Variants in DENND1B observed in about 807,000 individuals in gnomAD.
The protein encoded by DENND1B is DENN domain containing 1B.
DENND1B carries 59 observed loss-of-function variants against 90.1 expected under a neutral mutation model. That is an observed-to-expected ratio of 0.65 (90% CI 0.53 to 0.81). The LOEUF (loss-of-function observed/expected upper bound fraction) is 0.81. Ranked by LOEUF, DENND1B falls within the 40% of genes least tolerant of loss-of-function variation. The pLI is 0.00. For missense variants in DENND1B, 862 were observed against 912.6 expected (o/e 0.94, Z 0.71); for synonymous variants, 337 against 324.6 (o/e 1.04, Z -0.41).
chr1:197,749,426 T>C (rs909741449), intron 2 of DENND1B, among the ~76,000 whole-genome samples: 1 of 151,860 alleles, frequency 6.6e-6, no homozygotes, highest in African/African-American at 2.4e-5. Flanking sequence ...AGATATCACA[T>C]AGATAATGAT....
chr1:197,770,766 A>G (rs1299470001), intron 2 of DENND1B, among the ~76,000 whole-genome samples: 1 of 140,946 alleles, frequency 7.1e-6, no homozygotes, highest in South Asian at 2.2e-4. Flanking sequence ...ATATATAAAT[A>G]TATATCTATA....
intron 2 of DENND1B, among the ~76,000 whole-genome samples, chr1:197,763,016 GT>G (rs1228201797): frequency 6.6e-6 from 1 of 152,102 alleles, no homozygotes; most frequent in Non-Finnish European, 1.5e-5. Flanking sequence ...TCACCACCTT[GT>G]AAAGACATCT....
chr1:197,623,544 T>A (rs997101980), intron 10 of DENND1B, among the ~76,000 whole-genome samples: 1 of 151,552 alleles, frequency 6.6e-6, no homozygotes, highest in East Asian at 1.9e-4. Context: ...AAATTTTACA[T>A]AATGCAAAAA....
chr1:197,751,810 C>T (rs995930014), intron 2 of DENND1B, among the ~76,000 whole-genome samples: 9 of 149,718 alleles, frequency 6.0e-5, no homozygotes, highest in African/African-American at 2.2e-4. Context: ...TGCCACTACA[C>T]TCCAGCCTGG....
intron 2 of DENND1B, chr1:197,757,398 A>G (rs202229821): frequency 1.3e-5 from 2 of 152,216 alleles, no homozygotes; most frequent in East Asian, 3.9e-4. Flanking sequence ...TGCCTCTCTA[A>G]TGGGTAAGAA....
At chr1:197,619,103 T>C (rs563648075) in intron 10 of DENND1B, among the ~76,000 whole-genome samples, 2 of 151,278 alleles carry the variant, frequency 1.3e-5, no homozygotes, top group African/African-American at 2.4e-5. Flanking sequence ...TGATTTCACT[T>C]AGGATGTTAT....
intron 2 of DENND1B, among the ~76,000 whole-genome samples, chr1:197,741,972 T>C (rs777179591): frequency 2.0e-5 from 3 of 152,176 alleles, no homozygotes; most frequent in South Asian, 2.1e-4. Context: ...GAACCTAACA[T>C]AGAGAGTTGC....
At chr1:197,705,650 A>T (rs867972069) in intron 3 of DENND1B, among the ~76,000 whole-genome samples, 151 of 4,726 alleles carry the variant, frequency 0.032, 1 homozygote, top group African/African-American at 0.088. Context: ...TAGAAATTTA[A>T]AAAAAAAAAA....
chr1:197,660,351 T>A (rs986213653), intron 5 of DENND1B, among the ~76,000 whole-genome samples: 1 of 151,930 alleles, frequency 6.6e-6, no homozygotes, highest in Non-Finnish European at 1.5e-5. Flanking sequence ...TAATAATTTA[T>A]GTTCATAACA....
rs1475994485 is a variant in DENND1B at position 197,589,203 on chromosome 1, CAT to C, written c.1048-5952_1048-5951del. Among the ~76,000 whole-genome samples the C allele has an allele frequency of 8.5e-5, 13 of 152,234 alleles. No individual in the cohort carries two copies. In the East Asian group the frequency reaches 2.5e-3, roughly 29 times the overall value. ...AAAAACACTCTCCATTCTCATAAAA[CAT>C]ATCAGTGATATATAAATGGAACACT... On this transcript the variant is annotated intron_variant, in intron 14 of 22. Coordinates refer to ENST00000620048, the MANE Select transcript of DENND1B (RefSeq NM_001195215.2).
intron 16 of DENND1B, among the ~76,000 whole-genome samples, chr1:197,547,304 C>T (rs925611472): frequency 1.3e-5 from 2 of 151,558 alleles, no homozygotes; most frequent in African/African-American, 2.4e-5. Flanking sequence ...GCTACTCAGA[C>T]ACTATCCAAT....
chr1:197,567,246 C>G lies in DENND1B; in HGVS notation c.1150-14134G>C, dbSNP rs183413920. Among the ~76,000 whole-genome samples, 7 of 152,032 alleles carry G rather than the reference C, an allele frequency of 4.6e-5. No individual in the cohort carries two copies. The East Asian group carries it at 9.7e-4, about 21-fold the overall frequency. On this transcript the variant is annotated intron_variant, in intron 15 of 22. Transcript: ENST00000620048. ...GTCTACTATAATCAACAATTATACA[C>G]CAACAAATTGAATAACCCAGAAGAA...
At chr1:197,580,666 A>G (rs75255981) in intron 15 of DENND1B, among the ~76,000 whole-genome samples, 1,985 of 152,284 alleles carry the variant, frequency 0.013, 50 homozygotes, top group African/African-American at 0.045. Flanking sequence ...ATTTCTTAAC[A>G]GCATTTTTCC....
chr1:197,673,901 C>T (rs1374089792), intron 4 of DENND1B, among the ~76,000 whole-genome samples: 1 of 152,082 alleles, frequency 6.6e-6, no homozygotes, highest in Non-Finnish European at 1.5e-5. Flanking sequence ...TGTTTTCAAA[C>T]TTGTCTTAAC....
intron 1 of DENND1B, among the ~76,000 whole-genome samples, chr1:197,773,481 G>A (rs976956155): frequency 4.6e-5 from 7 of 152,116 alleles, no homozygotes; most frequent in Admixed American, 2.0e-4. Context: ...AATGTGATAC[G>A]TTGCATATAC....
At chr1:197,643,224 G>A (rs184225576) in intron 9 of DENND1B, among the ~76,000 whole-genome samples, 1 of 151,400 alleles carries the variant, frequency 6.6e-6, no homozygotes, top group Admixed American at 6.6e-5. Flanking sequence ...GTGAGATCTT[G>A]GCTCATTGCA....
At chr1:197,735,907 TG>T in intron 2 of DENND1B, 1 of 1,527,702 alleles carries the variant, frequency 6.5e-7, no homozygotes, top group Non-Finnish European at 9.0e-7. Flanking sequence ...GCTGATATAA[TG>T]GCCAAGAGGA....
At chr1:197,520,779 T>C (rs940518993) in intron 20 of DENND1B, among the ~76,000 whole-genome samples, 8 of 151,926 alleles carry the variant, frequency 5.3e-5, no homozygotes, top group South Asian at 2.1e-4. Context: ...AAATGGGGAA[T>C]TGGATGTCAC....
chr1:197,771,545 G>C (rs534964558), intron 2 of DENND1B, among the ~76,000 whole-genome samples: 1 of 152,220 alleles, frequency 6.6e-6, no homozygotes, highest in Non-Finnish European at 1.5e-5. Context: ...TAGACCAGGA[G>C]TACAGTAGTA....
Sources: allele counts gnomAD v4.1 joint callset (sites outside exome capture counted in the v4.1 genomes callset), GRCh38; gene constraint gnomAD v4.1.1; transcripts MANE v1.5; gene names NCBI Gene and HGNC (gene_info 2026-07-23, HGNC 2026-07-21).